The following HIBADH variants were observed in gnomAD, a reference collection of about 807,000 sequenced individuals.
The protein encoded by HIBADH is 3-hydroxyisobutyrate dehydrogenase, also known as 3-hydroxyisobutyrate dehydrogenase, mitochondrial.
HIBADH carries 25 observed loss-of-function variants against 36.1 expected under a neutral mutation model. The observed-to-expected ratio is 0.69, with a 90% CI of 0.50 to 0.97. HIBADH has a LOEUF of 0.97. Among genes scored for constraint, HIBADH ranks in the 50% least tolerant of loss-of-function variants. The pLI is 0.00. For missense variants in HIBADH, 421 were observed against 418.0 expected (o/e 1.01, Z -0.06); for synonymous variants, 160 against 149.5 (o/e 1.07, Z -0.51).
At chr7:27,545,341 A>C (rs1784222550) in intron 4 of HIBADH, among the ~76,000 whole-genome samples, 1 of 152,178 alleles carries the variant, frequency 6.6e-6, no homozygotes, top group Non-Finnish European at 1.5e-5. Context: ...CAGGAGGCTG[A>C]GATGGAGGAT....
intron 3 of HIBADH, among the ~76,000 whole-genome samples, chr7:27,629,878 T>C (rs1282393455): frequency 6.6e-6 from 1 of 152,170 alleles, no homozygotes; most frequent in African/African-American, 2.4e-5. Flanking sequence ...GTAAAGTAGC[T>C]GGATCTTTAA....
rs552503960 is a variant in HIBADH, at chr7:27,604,488, A to C, written c.484+24883T>G. ...AAAGACCCTGGTGAGAAATTCTAAC[A>C]CAACAAGCCAAGAAGCAATTCATGG... is the stretch of plus-strand genomic sequence containing the variant. On this transcript the variant is annotated intron_variant, in intron 4 of 7. Coordinates refer to ENST00000265395, the MANE Select transcript of HIBADH (RefSeq NM_152740.4). 5.3e-5 allele frequency among the ~76,000 whole-genome samples: 8 copies of C among 152,120 alleles called. No individual in the cohort carries two copies. The South Asian group carries it at 1.0e-3, about 20-fold the overall frequency.
intron 4 of HIBADH, among the ~76,000 whole-genome samples, chr7:27,550,519 ATTTT>A (rs1784303611): frequency 6.7e-6 from 1 of 149,822 alleles, no homozygotes; most frequent in Non-Finnish European, 1.5e-5. Flanking sequence ...ATGTGCAATG[ATTTT>A]TCATGCACCC....
chr7:27,649,661 G>T, intron 1 of HIBADH, 28 bp from the exon 2 acceptor site: 1 of 1,502,994 alleles, frequency 6.7e-7, no homozygotes, highest in South Asian at 1.4e-5. Context: ...TTTTCAATAG[G>T]GGCAAATAAC....
chr7:27,549,953 G>A (rs1490347069), intron 4 of HIBADH, among the ~76,000 whole-genome samples: 1 of 152,120 alleles, frequency 6.6e-6, no homozygotes, highest in Non-Finnish European at 1.5e-5. Flanking sequence ...CAGTCGCCAG[G>A]ATGGAGTGCA....
chr7:27,637,608 C>G (rs927667239), intron 2 of HIBADH, among the ~76,000 whole-genome samples: 1 of 151,944 alleles, frequency 6.6e-6, no homozygotes, highest in African/African-American at 2.4e-5. Flanking sequence ...AGCAATCAGG[C>G]AAGAAATAAA....
chr7:27,658,013 C>A (rs1331273613), intron 1 of HIBADH, among the ~76,000 whole-genome samples: 1 of 152,088 alleles, frequency 6.6e-6, no homozygotes, highest in East Asian at 1.9e-4. Flanking sequence ...TGCCAACTGC[C>A]CCTTTTTGCC....
At chr7:27,550,844 G>A (rs1430584316) in intron 4 of HIBADH, among the ~76,000 whole-genome samples, 2 of 152,016 alleles carry the variant, frequency 1.3e-5, no homozygotes, top group Non-Finnish European at 2.9e-5. Context: ...GATATCAATG[G>A]CTAATAAAAT....
intron 4 of HIBADH, among the ~76,000 whole-genome samples, chr7:27,585,356 CTT>C: frequency 6.6e-6 from 1 of 152,160 alleles, no homozygotes; most frequent in African/African-American, 2.4e-5. Context: ...GTTCAAATAA[CTT>C]ACATCACCAA....
chr7:27,553,531 G>A (rs116910121), intron 4 of HIBADH, among the ~76,000 whole-genome samples: 24 of 152,314 alleles, frequency 1.6e-4, no homozygotes, highest in Non-Finnish European at 1.3e-4. Context: ...AGAATGTTCC[G>A]CATGGAGCTG....
chr7:27,631,508 GAAATTCAACAAC>G lies in HIBADH; in HGVS notation c.362+816_362+827del, dbSNP rs746671622. Among the ~76,000 whole-genome samples the G allele has an allele frequency of 6.3e-4, 96 of 152,210 alleles. 1 individual carries two copies. The highest frequency in any genetic ancestry group is 1.1e-3 in the Non-Finnish European group (77 of 67,996). On this transcript the variant is annotated intron_variant, in intron 3 of 7. Coordinates refer to ENST00000265395, the MANE Select transcript of HIBADH (RefSeq NM_152740.4). ...TACCAGTTTGCTCTAGCTCTTTGCT[GAAATTCAACAAC>G]AAAATAAGTTAGGAATAGAAACAGT... is the stretch of plus-strand genomic sequence containing the variant.
intron 4 of HIBADH, among the ~76,000 whole-genome samples, chr7:27,574,180 TAC>T (rs1056849942): frequency 2.3e-4 from 32 of 141,052 alleles, no homozygotes; most frequent in Non-Finnish European, 3.9e-4. Flanking sequence ...GTGATGGAAA[TAC>T]AGAGTTAGAA....
At chr7:27,643,916 A>C (rs1473554790) in intron 2 of HIBADH, among the ~76,000 whole-genome samples, 3 of 152,164 alleles carry the variant, frequency 2.0e-5, no homozygotes, top group Non-Finnish European at 4.4e-5. Context: ...GTCTCTGGTA[A>C]GGACACTTGT....
At chr7:27,639,701 TA>T (rs1785925475) in intron 2 of HIBADH, among the ~76,000 whole-genome samples, 1 of 152,000 alleles carries the variant, frequency 6.6e-6, no homozygotes, top group Non-Finnish European at 1.5e-5. Context: ...AATGCTTATA[TA>T]ATAAAAACTT....
At chr7:27,637,026 T>C (rs919172273) in intron 2 of HIBADH, among the ~76,000 whole-genome samples, 7 of 152,196 alleles carry the variant, frequency 4.6e-5, no homozygotes, top group Non-Finnish European at 2.9e-5. Flanking sequence ...GACTCAATAA[T>C]GCAGCTGAGA....
chr7:27,653,956 G>A (rs879737332), intron 1 of HIBADH, among the ~76,000 whole-genome samples: 13 of 152,132 alleles, frequency 8.5e-5, no homozygotes, highest in Non-Finnish European at 1.9e-4. Context: ...CCAACCCTAA[G>A]CTGAAACAGA....
chr7:27,631,470 T>C (rs1417891771), intron 3 of HIBADH, among the ~76,000 whole-genome samples: 1 of 152,240 alleles, frequency 6.6e-6, no homozygotes, highest in East Asian at 1.9e-4. Context: ...GCCCTTCTTG[T>C]GACTACAGTG....
At chr7:27,619,804 T>C (rs1785505270) in intron 4 of HIBADH, among the ~76,000 whole-genome samples, 1 of 152,302 alleles carries the variant, frequency 6.6e-6, no homozygotes, top group East Asian at 1.9e-4. Flanking sequence ...AAAGCATTCA[T>C]GACATTTGGG....
intron 6 of HIBADH, among the ~76,000 whole-genome samples, chr7:27,533,350 C>G (rs1011445662): frequency 1.1e-4 from 17 of 152,106 alleles, no homozygotes; most frequent in African/African-American, 4.1e-4. Flanking sequence ...TATTTAGAAG[C>G]ATCCTGAGGG....
Sources: allele counts gnomAD v4.1 joint callset (sites outside exome capture counted in the v4.1 genomes callset), GRCh38; gene constraint gnomAD v4.1.1; transcripts MANE v1.5; gene names NCBI Gene and HGNC (gene_info 2026-07-23, HGNC 2026-07-21).